ABLIM2: variants seen among roughly 807,000 people sequenced by gnomAD.
ABLIM2 encodes actin-binding LIM protein 2.
Under a neutral mutation model 97.7 loss-of-function variants are expected in ABLIM2, and 53 were observed. The observed-to-expected ratio is 0.54, with a 90% CI of 0.44 to 0.68. The LOEUF is 0.68. Among genes scored for constraint, ABLIM2 ranks in the 30% least tolerant of loss-of-function variants. The pLI, the probability that ABLIM2 is intolerant of heterozygous loss-of-function variation, is 0.00. For missense variants in ABLIM2, 835 were observed against 867.2 expected (o/e 0.96, Z 0.47); for synonymous variants, 361 against 345.8 (o/e 1.04, Z -0.49).
intron 1 of ABLIM2, among the ~76,000 whole-genome samples, chr4:8,141,132 C>T (rs1441812562): frequency 6.6e-6 from 1 of 152,080 alleles, no homozygotes; most frequent in East Asian, 1.9e-4. Flanking sequence ...AACAGACAGC[C>T]CTGAGCTCAA....
intron 8 of ABLIM2, among the ~76,000 whole-genome samples, chr4:8,051,240 T>A (rs940593745): frequency 2.0e-5 from 3 of 152,074 alleles, no homozygotes; most frequent in African/African-American, 7.2e-5. Context: ...TTCAGTGTGG[T>A]AGGAGTTATT....
At chr4:8,006,902 G>T in intron 16 of ABLIM2, 1 of 545,600 alleles carries the variant, frequency 1.8e-6, no homozygotes, top group Non-Finnish European at 2.3e-6. Context: ...TTCCCATGGT[G>T]ACATCAGCCT....
intron 5 of ABLIM2, among the ~76,000 whole-genome samples, chr4:8,078,279 T>C (rs1313806283): frequency 2.0e-5 from 3 of 152,232 alleles, no homozygotes; most frequent in Admixed American, 6.5e-5. Context: ...TGGAGAGGCC[T>C]GGCCTTCCGC....
chr4:8,124,804 T>G lies in ABLIM2; in HGVS notation c.11-18167A>C, dbSNP rs1206384288. On this transcript the variant is annotated intron_variant, in intron 1 of 20. Transcript: ENST00000447017. This position sits in a 1 kb window ranked among gnomAD's most constrained non-coding sequence, Gnocchi z 6.1. ...TGGAGTTGCTGGGTCCTGTGGTCAC[T>G]CTGTGTGCCACCTTTCAAGGAACAG... 6.6e-6 allele frequency among the ~76,000 whole-genome samples: 1 copy of G among 152,174 alleles called. No individual in the cohort carries two copies. The highest frequency in any genetic ancestry group is 1.5e-5 in the Non-Finnish European group (1 of 68,022).
intron 1 of ABLIM2, among the ~76,000 whole-genome samples, chr4:8,151,863 TG>T (rs1712950080): frequency 5.1e-5 from 1 of 19,626 alleles, no homozygotes; most frequent in African/African-American, 2.0e-4. Flanking sequence ...GGGGTGGGGG[TG>T]GGGGAGTCGG....
rs548860627 is a variant in ABLIM2, at chr4:8,046,415, C to T, written c.823-1174G>A. ...TGGGCCACCTGCCTGGCCTTCCCCA[C>T]GCCTCCTATTCACCCTGTCCAAAAG... On this transcript the variant is annotated intron_variant, in intron 8 of 20. Transcript: ENST00000447017. This position sits in a 1 kb window ranked among gnomAD's most constrained non-coding sequence, Gnocchi z 4.4. Among the ~76,000 whole-genome samples, 50 of 152,232 alleles carry T rather than the reference C, an allele frequency of 3.3e-4. No homozygotes were observed. The highest frequency in any genetic ancestry group is 1.0e-3 in the Admixed American group (16 of 15,296).
At chr4:8,055,860 C>G (rs1458460114) in intron 7 of ABLIM2, among the ~76,000 whole-genome samples, 1 of 152,012 alleles carries the variant, frequency 6.6e-6, no homozygotes, top group Non-Finnish European at 1.5e-5. Flanking sequence ...CGCCTGTAAT[C>G]CCAGCACTTC....
At position 8,033,954 on chromosome 4, in the gene ABLIM2, G is replaced by A. The variant is rs958476221; in HGVS notation, c.1047+2195C>T. Among the ~76,000 whole-genome samples, 3 of 152,148 alleles carry A rather than the reference G, an allele frequency of 2.0e-5. No homozygotes were observed. Among genetic ancestry groups the A allele is most frequent in the African/African-American group, 7.2e-5 (3 of 41,432 alleles). ...ACAGAGCCCTCCCACAGGGACACAC[G>A]CACTCAAACCAGGAAGGGGTGTGCC... On this transcript the variant is annotated intron_variant, in intron 10 of 20. Transcript: ENST00000447017. This position sits in a 1 kb window ranked among gnomAD's most constrained non-coding sequence, Gnocchi z 4.5.
chr4:8,063,667 G>A (rs762728222), intron 6 of ABLIM2, among the ~76,000 whole-genome samples: 21 of 152,222 alleles, frequency 1.4e-4, no homozygotes, highest in East Asian at 3.9e-4. Context: ...CTGGCTGTCC[G>A]CAAGTCCTGG....
intron 17 of ABLIM2, among the ~76,000 whole-genome samples, chr4:7,985,491 G>A (rs1444594388): frequency 6.6e-6 from 1 of 152,158 alleles, no homozygotes; most frequent in Non-Finnish European, 1.5e-5. Context: ...TATTCTCAGA[G>A]CTACGCGGAC....
In ABLIM2 at chr4:8,004,182, C is replaced by T. The variant is rs1466822252; in HGVS notation, c.1618+3877G>A. On this transcript the variant is annotated intron_variant, in intron 16 of 20. Transcript: ENST00000447017. The surrounding 1 kb of genome is among the most constrained non-coding windows in gnomAD (Gnocchi z 5.9). ...CCCTCCCTCCCAACGGGCTCCGAGA[C>T]CAGGCAGCAGAGAGACAAGCAGAGA... Among the ~76,000 whole-genome samples the T allele has an allele frequency of 6.6e-6, 1 of 151,884 alleles. No homozygotes were observed.
At chr4:8,063,624 A>G (rs1334187319) in intron 6 of ABLIM2, among the ~76,000 whole-genome samples, 2 of 152,242 alleles carry the variant, frequency 1.3e-5, no homozygotes, top group African/African-American at 2.4e-5. Context: ...GCTTAAGCCC[A>G]TGCCCAGGCC....
chr4:8,029,833 G>T (rs1779749399), intron 10 of ABLIM2, 57 bp from the exon 11 acceptor site: 1 of 1,534,278 alleles, frequency 6.5e-7, no homozygotes. Flanking sequence ...CCCACCCCTT[G>T]TCCACCCATC....
rs985106630 is a variant in ABLIM2 at position 8,147,721 on chromosome 4, G to A, written c.10+10959C>T. 6.6e-6 allele frequency among the ~76,000 whole-genome samples: 1 copy of A among 152,210 alleles called. No homozygotes were observed. Among genetic ancestry groups the A allele is most frequent in the Non-Finnish European group, 1.5e-5 (1 of 68,040 alleles). ...GAGCCTCCCCTGAGCCCCCGAGGGA[G>A]CTGCCAGCGCCGTTTAGCCTCGGAC... On this transcript the variant is annotated intron_variant, in intron 1 of 20. Transcript: ENST00000447017. The surrounding 1 kb of genome is among the most constrained non-coding windows in gnomAD (Gnocchi z 5.3).
intron 18 of ABLIM2, among the ~76,000 whole-genome samples, chr4:7,984,472 C>T (rs73090390): frequency 0.026 from 3,952 of 152,330 alleles, 154 homozygotes; most frequent in African/African-American, 0.088. Flanking sequence ...CGCGGCGTGC[C>T]GGCAGCCACA....
At chr4:7,978,300 GAGGA>G (rs1735179639) in intron 20 of ABLIM2, among the ~76,000 whole-genome samples, 1 of 152,302 alleles carries the variant, frequency 6.6e-6, no homozygotes, top group East Asian at 1.9e-4. Context: ...TGAGCCTGAG[GAGGA>G]AGGAGGACTA....
At position 8,127,473 on chromosome 4, in the gene ABLIM2, C is replaced by A; in HGVS notation, c.11-20836G>T. 3.9e-6 allele frequency: 5 copies of A among 1,285,574 alleles called. No individual in the cohort carries two copies. In the African/African-American group the frequency reaches 4.6e-5, roughly 12 times the overall value. 79.6% of individuals were successfully genotyped at this position (1,285,574 alleles called of 1,614,324 possible). ...ATTCATGGAGCTCACAGCTCCCAGT[C>A]CCCTGAAGCTGACTCATGGAGCTCA... is the stretch of plus-strand genomic sequence containing the variant. On this transcript the variant is annotated intron_variant, in intron 1 of 20. Transcript: ENST00000447017. This position sits in a 1 kb window ranked among gnomAD's most constrained non-coding sequence, Gnocchi z 7.3.
Position 8,020,349 on chromosome 4 carries a change from A to G in ABLIM2, c.1268-46T>C, listed in dbSNP as rs780704388. On this transcript the variant is annotated intron_variant, in intron 12 of 20. Coordinates refer to ENST00000447017, the MANE Select transcript of ABLIM2 (RefSeq NM_001130083.2). ...GCAGCAGATAGAAGGGGAAACGGGA[A>G]AGCAAAGTAGAATATTTCAAGCATG... 16 of 1,511,176 alleles carry G rather than the reference A, an allele frequency of 1.1e-5. No individual in the cohort carries two copies. The South Asian group carries it at 1.7e-4, about 16-fold the overall frequency. The allele number at this position is 1,511,176 out of a possible 1,614,324, so 93.6% of individuals were successfully genotyped here.
intron 9 of ABLIM2, among the ~76,000 whole-genome samples, chr4:8,038,649 G>A (rs1043564803): frequency 6.6e-6 from 1 of 152,120 alleles, no homozygotes; most frequent in Non-Finnish European, 1.5e-5. Context: ...TGGGTCTTGG[G>A]GTGAACCCTG....
Sources: allele counts gnomAD v4.1 joint callset (sites outside exome capture counted in the v4.1 genomes callset), GRCh38; gene constraint gnomAD v4.1.1; non-coding constraint Gnocchi (gnomAD v3.1); transcripts MANE v1.5; gene names NCBI Gene and HGNC (gene_info 2026-07-23, HGNC 2026-07-21).